The following HDX variants were observed in gnomAD, a reference collection of about 807,000 sequenced individuals.
The protein encoded by HDX is highly divergent homeobox, also known as chromosome X open reading frame 43.
In HDX, 19 loss-of-function variants were observed where a neutral mutation model predicts 45.2. That is an observed-to-expected ratio of 0.42 (90% CI 0.29 to 0.62). The LOEUF is 0.62. Ranked by LOEUF, HDX falls within the 20% of genes least tolerant of loss-of-function variation. The pLI, the probability that HDX is intolerant of heterozygous loss-of-function variation, is 0.20. For synonymous variants in HDX, 188 were observed against 172.8 expected, an observed-to-expected ratio of 1.09 and a Z score of -0.69; for missense variants, 532 against 493.9, an observed-to-expected ratio of 1.08 and a Z score of -0.73.
chrX:84,435,376 T>C (rs2039600022), intron 5 of HDX, among the ~76,000 whole-genome samples: 1 of 111,314 alleles, frequency 9.0e-6, no homozygotes, highest in Non-Finnish European at 1.9e-5. Flanking sequence ...GAAATGTCTG[T>C]TCATGTCCTT....
intron 5 of HDX, among the ~76,000 whole-genome samples, chrX:84,374,334 C>A (rs2037982833): frequency 1.8e-5 from 2 of 108,725 alleles, no homozygotes; most frequent in South Asian, 7.9e-4. Flanking sequence ...GCCATACTGC[C>A]CAAGGTAATT....
chrX:84,421,257 GA>G (rs749725262), intron 5 of HDX, among the ~76,000 whole-genome samples: 32 of 111,509 alleles, frequency 2.9e-4, no homozygotes, highest in African/African-American at 7.8e-4. Context: ...TAAATAAAAA[GA>G]AAAAAAGTTA....
intron 2 of HDX, among the ~76,000 whole-genome samples, chrX:84,486,000 C>T (rs746317739): frequency 1.5e-3 from 164 of 111,440 alleles, no homozygotes; most frequent in South Asian, 2.6e-3. Context: ...TATGACAATA[C>T]GTTTTAATTA....
At chrX:84,479,798 C>T (rs1008192242) in intron 2 of HDX, among the ~76,000 whole-genome samples, 2 of 111,227 alleles carry the variant, frequency 1.8e-5, no homozygotes, top group African/African-American at 6.5e-5. Flanking sequence ...TTTTGTGTTT[C>T]TCTAGTGACA....
intron 5 of HDX, among the ~76,000 whole-genome samples, chrX:84,422,007 G>C (rs1389288386): frequency 1.9e-5 from 2 of 102,858 alleles, no homozygotes; most frequent in Non-Finnish European, 3.9e-5. Context: ...TTTGAGACAA[G>C]GAACCAACAA....
At chrX:84,405,588 C>CTTTTTTTTTTTTTTTTTTT (rs55758874) in intron 5 of HDX, among the ~76,000 whole-genome samples, 1 of 58,209 alleles carries the variant, frequency 1.7e-5, no homozygotes, top group Non-Finnish European at 3.3e-5. Context: ...GGATTTTCTG[C>CTTTTTTTTTTTTTTTTTTT]TTTTTTTTTT....
At chrX:84,404,641 G>T (rs990890669) in intron 5 of HDX, among the ~76,000 whole-genome samples, 1 of 111,203 alleles carries the variant, frequency 9.0e-6, no homozygotes, top group African/African-American at 3.3e-5. Flanking sequence ...GATATAAATA[G>T]AGTTAATTGA....
At chrX:84,444,415 A>G (rs1162364915) in intron 4 of HDX, among the ~76,000 whole-genome samples, 3 of 111,291 alleles carry the variant, frequency 2.7e-5, no homozygotes, top group Non-Finnish European at 5.7e-5. Flanking sequence ...AACTATTATA[A>G]TAGTTTGGAA....
chrX:84,499,046 A>G (rs754404832), intron 1 of HDX, among the ~76,000 whole-genome samples: 1 of 112,037 alleles, frequency 8.9e-6, no homozygotes, highest in South Asian at 3.7e-4. Flanking sequence ...TCTCATTTGT[A>G]AAATGGGAAA....
chrX:84,422,140 T>C (rs2039270867), intron 5 of HDX, among the ~76,000 whole-genome samples: 1 of 111,517 alleles, frequency 9.0e-6, no homozygotes, highest in South Asian at 3.7e-4. Context: ...ATATGAACAG[T>C]CACAGAACAA....
At chrX:84,339,522 T>C (rs1462660701) in intron 7 of HDX, among the ~76,000 whole-genome samples, 1 of 111,807 alleles carries the variant, frequency 8.9e-6, no homozygotes. Context: ...ATATTGAGGA[T>C]TTCTAAAATA....
intron 5 of HDX, among the ~76,000 whole-genome samples, chrX:84,383,797 C>A (rs1222084633): frequency 9.0e-6 from 1 of 111,419 alleles, no homozygotes; most frequent in Admixed American, 9.5e-5. Context: ...TAAGAGCATG[C>A]GGTATTTGGT....
chrX:84,408,136 A>T (rs1359891232), intron 5 of HDX, among the ~76,000 whole-genome samples: 2 of 111,209 alleles, frequency 1.8e-5, no homozygotes, highest in East Asian at 5.6e-4. Context: ...ATCCAGAATG[A>T]CACTTCATAG....
Position 84,468,815 on chromosome X carries a change from G to A in HDX, c.908C>T (p.Ala303Val). The change falls in exon 4 of 11, where the codon GCT (alanine) becomes GTT (valine). Residue 303 changes from alanine (A) to valine (V), a missense_variant. Ala to Val is a moderately conservative substitution (Grantham distance 64). Around this residue, in one of 3 missense-constraint regions of HDX, gnomAD observed 376 missense variants for 343.7 expected, o/e 1.09. Coordinates refer to ENST00000373177, the MANE Select transcript of HDX (RefSeq NM_001177479.2). ...CLSIAMETGD[A>V]EDEYAREEEL... ...TTCCTCTCTGGCATATTCATCCTCA[G>A]CATCTCCAGTCTCCATTGCAATGGA... The A allele has an allele frequency of 8.3e-7, 1 of 1,211,074 alleles. No individual in the cohort carries two copies. Among genetic ancestry groups the A allele is most frequent in the Non-Finnish European group, 1.1e-6 (1 of 894,936 alleles).
Position 84,336,878 on chromosome X carries a change from C to A in HDX, c.1663G>T (p.Glu555Ter). 1 of 1,156,777 alleles carries A rather than the reference C, an allele frequency of 8.6e-7. No homozygotes were observed. The highest frequency in any genetic ancestry group is 1.2e-6 in the Non-Finnish European group (1 of 856,637). Residue 555 changes from glutamate to a stop codon, truncating the protein, a stop_gained and splice_region_variant, in exon 8 of 11, where the codon GAG (glutamate) becomes TAG (stop). Transcript: ENST00000373177. LOFTEE classifies it high-confidence loss of function. ...TCATTCGGAACAACTTCATTGGGCT[C>A]TTCTACAGAAAAAAATGCCATAATT... ...ICLSEGSSQE[E>*]PNEVVPNDAR...
At chrX:84,402,548 G>A (rs1291897207) in intron 5 of HDX, among the ~76,000 whole-genome samples, 4 of 111,463 alleles carry the variant, frequency 3.6e-5, no homozygotes, top group Non-Finnish European at 7.5e-5. Flanking sequence ...TTGTACTGAT[G>A]TACCACTATT....
chrX:84,471,244 AATAGATAG>A (rs200160920), intron 3 of HDX, among the ~76,000 whole-genome samples: 92 of 97,362 alleles, frequency 9.4e-4, no homozygotes, highest in African/African-American at 2.3e-3. Flanking sequence ...GTGTTCTCTC[AATAGATAG>A]ATAGATAGAT....
chrX:84,398,069 G>T (rs1281569771), intron 5 of HDX, among the ~76,000 whole-genome samples: 1 of 108,521 alleles, frequency 9.2e-6, no homozygotes, highest in Non-Finnish European at 1.9e-5. Flanking sequence ...GTGGTGCGGT[G>T]GCCCACCATA....
chrX:84,435,245 T>G (rs949708861), intron 5 of HDX, among the ~76,000 whole-genome samples: 23 of 111,767 alleles, frequency 2.1e-4, no homozygotes, highest in Non-Finnish European at 3.8e-4. Context: ...AGAAAAATGC[T>G]TGCCATTCTA....
Sources: gnomAD v4.1 joint callset for allele counts (sites outside exome capture counted in the v4.1 genomes callset) on GRCh38, gnomAD v4.1.1 for gene constraint, gnomAD v4.1.1 regional missense constraint, MANE v1.5 for transcripts, NCBI Gene and HGNC (gene_info 2026-07-23, HGNC 2026-07-21) for gene names.